The following EXOC4 variants were observed in gnomAD, a reference collection of about 807,000 sequenced individuals.
EXOC4 encodes the protein SEC8-like 1.
EXOC4 carries 71 observed loss-of-function variants against 107.2 expected under a neutral mutation model. The observed-to-expected ratio is 0.66, with a 90% CI of 0.55 to 0.81. The LOEUF is 0.81. Ranked by LOEUF, EXOC4 falls within the 30% of genes least tolerant of loss-of-function variation. The pLI, the probability that EXOC4 is intolerant of heterozygous loss-of-function variation, is 0.00. For synonymous variants in EXOC4, 456 were observed against 441.2 expected (o/e 1.03, Z -0.42); for missense variants, 1,108 against 1,189.6 (o/e 0.93, Z 1.01).
chr7:133,317,534 C>T, intron 5 of EXOC4, 144 bp downstream of exon 5: 2 of 606,996 alleles, frequency 3.3e-6, no homozygotes, highest in Non-Finnish European at 5.9e-6. Flanking sequence ...TGTGATGAGC[C>T]CTTTGCAACC....
intron 10 of EXOC4, among the ~76,000 whole-genome samples, chr7:133,804,168 A>G (rs141211938): frequency 3.0e-4 from 46 of 152,310 alleles, no homozygotes; most frequent in African/African-American, 1.1e-3. Context: ...CCGTTGCAAG[A>G]TAATTGTAGA....
At chr7:133,823,247 T>A (rs1027904397) in intron 11 of EXOC4, among the ~76,000 whole-genome samples, 3 of 152,182 alleles carry the variant, frequency 2.0e-5, no homozygotes, top group East Asian at 1.9e-4. Context: ...AACACCACAC[T>A]GTCATCTCTT....
chr7:133,812,094 A>T (rs2550996), intron 10 of EXOC4, among the ~76,000 whole-genome samples: 149,724 of 152,088 alleles, frequency 0.98, 73,765 homozygotes, highest in Middle Eastern at 1. Flanking sequence ...CCTAATGTTC[A>T]GAATTGTCAA....
intron 14 of EXOC4, among the ~76,000 whole-genome samples, chr7:133,977,504 C>A (rs1563078165): frequency 6.6e-6 from 1 of 152,188 alleles, no homozygotes; most frequent in Non-Finnish European, 1.5e-5. Context: ...TCGTCCTCAG[C>A]CTATAGGAAC....
chr7:133,780,953 G>A (rs780157614), intron 10 of EXOC4, among the ~76,000 whole-genome samples: 4 of 152,082 alleles, frequency 2.6e-5, no homozygotes, highest in Admixed American at 6.6e-5. Flanking sequence ...GATATGTTGC[G>A]CTTCATGGTG....
At chr7:133,954,475 T>A (rs1800768769) in intron 14 of EXOC4, among the ~76,000 whole-genome samples, 1 of 152,246 alleles carries the variant, frequency 6.6e-6, no homozygotes, top group South Asian at 2.1e-4. Context: ...TGGTTATATT[T>A]TTAAACTTAT....
At chr7:133,543,524 C>G (rs1250317590) in intron 9 of EXOC4, among the ~76,000 whole-genome samples, 1 of 152,114 alleles carries the variant, frequency 6.6e-6, no homozygotes, top group Non-Finnish European at 1.5e-5. Flanking sequence ...CTTCATACAA[C>G]AAGCTTTCAT....
At chr7:133,846,424 G>A (rs554520323) in intron 11 of EXOC4, among the ~76,000 whole-genome samples, 1 of 152,250 alleles carries the variant, frequency 6.6e-6, no homozygotes, top group South Asian at 2.1e-4. Context: ...GCATCCCACG[G>A]TTGGTACTCT....
chr7:133,517,543 A>G (rs1799900271), intron 9 of EXOC4, among the ~76,000 whole-genome samples: 2 of 152,188 alleles, frequency 1.3e-5, no homozygotes, highest in Admixed American at 1.3e-4. Context: ...GAGGCCTCAC[A>G]ATCATGGCTG....
chr7:133,390,357 T>C (rs932478775), intron 7 of EXOC4, among the ~76,000 whole-genome samples: 1 of 152,206 alleles, frequency 6.6e-6, no homozygotes, highest in Non-Finnish European at 1.5e-5. Context: ...TCTGCGGTTT[T>C]TCGTCATTTA....
chr7:133,327,143 C>T (rs1335740775), intron 5 of EXOC4, among the ~76,000 whole-genome samples: 1 of 152,224 alleles, frequency 6.6e-6, no homozygotes, highest in African/African-American at 2.4e-5. Flanking sequence ...ATTCTCTGAC[C>T]CCTTGTGCTT....
chr7:133,270,906 T>C (rs983207879), intron 1 of EXOC4, among the ~76,000 whole-genome samples: 7 of 150,676 alleles, frequency 4.6e-5, no homozygotes, highest in African/African-American at 1.7e-4. Flanking sequence ...ATTAGTCAGC[T>C]CTTTCATGCT....
At chr7:133,423,767 C>T (rs905787225) in intron 7 of EXOC4, among the ~76,000 whole-genome samples, 2 of 152,070 alleles carry the variant, frequency 1.3e-5, no homozygotes, top group African/African-American at 4.8e-5. Flanking sequence ...CGGGTAGGGG[C>T]CAGCGCTGCG....
At chr7:133,342,997 T>G (rs958088751) in intron 5 of EXOC4, among the ~76,000 whole-genome samples, 2 of 152,184 alleles carry the variant, frequency 1.3e-5, no homozygotes, top group South Asian at 4.1e-4. Flanking sequence ...GCTTAATAAT[T>G]GACCTTCTGA....
rs975024434 is a variant in EXOC4, at chr7:133,317,321, G to A, written c.694G>A (p.Val232Ile). The change falls in exon 5 of 18, where the codon GTT becomes ATT. Residue 232 changes from valine (V) to isoleucine (I), a missense_variant. By Grantham distance (29) the Val-to-Ile change is conservative. Transcript: ENST00000253861. The part of the protein sequence containing the change: ...VKDASVPLID[V>I]TNLPTPRKFL... ...AGATGCTTCTGTTCCTCTGATTGAT[G>A]TTACAAACCTCCCTACTCCTCGAAA... 1.2e-6 allele frequency: 2 copies of A among 1,613,782 alleles called. No homozygotes were observed. Among genetic ancestry groups the A allele is most frequent in the Non-Finnish European group, 8.5e-7 (1 of 1,179,702 alleles).
chr7:134,087,342 T>C, the EXOC4 span, among the ~76,000 whole-genome samples: 1 of 152,278 alleles, frequency 6.6e-6, no homozygotes, highest in Non-Finnish European at 1.5e-5. Flanking sequence ...ATAAAACAGC[T>C]CAGTCAGAAA....
At chr7:133,479,125 A>G (rs918192611) in intron 8 of EXOC4, 2 of 152,202 alleles carry the variant, frequency 1.3e-5, no homozygotes, top group African/African-American at 4.8e-5. Flanking sequence ...AGTGGCAGTC[A>G]TTCTTAGAAG....
chr7:133,626,751 C>T (rs1802466573), intron 9 of EXOC4, among the ~76,000 whole-genome samples: 1 of 152,186 alleles, frequency 6.6e-6, no homozygotes, highest in Non-Finnish European at 1.5e-5. Context: ...CTTCCTCTCA[C>T]TGACATTTCT....
rs573603178 is a variant in EXOC4 at position 133,902,201 on chromosome 7, G to A, written c.1871+6466G>A. Among the ~76,000 whole-genome samples the A allele has an allele frequency of 7.2e-5, 11 of 152,248 alleles. No homozygotes were observed. The East Asian group carries it at 1.9e-3, about 27-fold the overall frequency. On this transcript the variant is annotated intron_variant, in intron 12 of 17. Transcript: ENST00000253861. ...TATGAACATCAGGGATTTGCTCCCAGGCATTTTCTCCTGTGTGTCAGGATA... is the reference window on the plus strand; with the variant it reads ...TATGAACATCAGGGATTTGCTCCCAAGCATTTTCTCCTGTGTGTCAGGATA...
Sources: allele counts gnomAD v4.1 joint callset (sites outside exome capture counted in the v4.1 genomes callset), GRCh38; gene constraint gnomAD v4.1.1; transcripts MANE v1.5; gene names NCBI Gene and HGNC (gene_info 2026-07-23, HGNC 2026-07-21).